AGBL4: variants seen among roughly 807,000 people sequenced by gnomAD.
AGBL4 encodes the protein cytosolic carboxypeptidase 6.
AGBL4 carries 58 observed loss-of-function variants against 66.4 expected under a neutral mutation model. The ratio of observed to expected loss-of-function variants is 0.87; its 90% CI spans 0.71 to 1.09. AGBL4 has a LOEUF of 1.09. AGBL4 is among the 50% of genes least tolerant of loss of function. The pLI, the probability that AGBL4 is intolerant of heterozygous loss-of-function variation, is 0.00. For missense variants in AGBL4, 579 were observed against 631.0 expected (o/e 0.92, Z 0.88); for synonymous variants, 234 against 222.9 (o/e 1.05, Z -0.44).
intron 6 of AGBL4, among the ~76,000 whole-genome samples, chr1:48,700,533 C>T (rs747246255): frequency 4.6e-5 from 7 of 152,198 alleles, no homozygotes; most frequent in Non-Finnish European, 1.0e-4. Context: ...ATGTCCCCTT[C>T]TGAGAAAGGC....
At chr1:49,145,681 G>C (rs960966758) in intron 4 of AGBL4, among the ~76,000 whole-genome samples, 1 of 152,018 alleles carries the variant, frequency 6.6e-6, no homozygotes, top group Non-Finnish European at 1.5e-5. Context: ...TAAGAACCTC[G>C]ACTTCACGTG....
At chr1:49,147,221 C>T (rs1646235209) in intron 4 of AGBL4, among the ~76,000 whole-genome samples, 1 of 152,100 alleles carries the variant, frequency 6.6e-6, no homozygotes, top group South Asian at 2.1e-4. Context: ...GACACAATTG[C>T]CTGAACTGTC....
intron 4 of AGBL4, among the ~76,000 whole-genome samples, chr1:49,136,730 T>G (rs1202159073): frequency 6.6e-6 from 1 of 152,196 alleles, no homozygotes; most frequent in African/African-American, 2.4e-5. Flanking sequence ...TTAATCATTT[T>G]GTTTTTAATG....
At chr1:49,628,997 G>C (rs1310805139) in intron 3 of AGBL4, among the ~76,000 whole-genome samples, 1 of 152,098 alleles carries the variant, frequency 6.6e-6, no homozygotes, top group East Asian at 1.9e-4. Flanking sequence ...GGATTCATCT[G>C]GTTTATTCAA....
intron 3 of AGBL4, among the ~76,000 whole-genome samples, chr1:49,314,379 T>A (rs1393817517): frequency 6.6e-6 from 1 of 151,858 alleles, no homozygotes; most frequent in East Asian, 1.9e-4. Context: ...CTATCACCCC[T>A]CCAGCCCCCA....
intron 1 of AGBL4, among the ~76,000 whole-genome samples, chr1:49,903,821 G>C (rs1246212771): frequency 6.6e-6 from 1 of 152,092 alleles, no homozygotes; most frequent in Non-Finnish European, 1.5e-5. Context: ...CAGAATGCCA[G>C]GCCAATGAAC....
In AGBL4 at chr1:49,194,598, G is replaced by GT. The variant is rs879796843; in HGVS notation, c.377+51171dup. On this transcript the variant is annotated intron_variant, in intron 4 of 13. Coordinates refer to ENST00000371839, the MANE Select transcript of AGBL4 (RefSeq NM_032785.4). Reference sequence around the variant, plus strand: ...ATTTTGTAGATTCTGTTTCTTGTTTGTTTTTTTTTCTAGACACAGAGTCTT... The same window carrying GT: ...ATTTTGTAGATTCTGTTTCTTGTTTGTTTTTTTTTTCTAGACACAGAGTCTT... Among the ~76,000 whole-genome samples the GT allele has an allele frequency of 2.9e-4, 44 of 150,496 alleles. 1 individual carries two copies. Among genetic ancestry groups the GT allele is most frequent in the Admixed American group, 2.7e-4 (4 of 15,092 alleles).
At chr1:49,381,643 A>T (rs1644612793) in intron 3 of AGBL4, among the ~76,000 whole-genome samples, 1 of 152,118 alleles carries the variant, frequency 6.6e-6, no homozygotes. Flanking sequence ...TGGCACATAT[A>T]CACCATGGAA....
At chr1:48,920,652 C>G (rs1557462400) in intron 5 of AGBL4, among the ~76,000 whole-genome samples, 2 of 152,184 alleles carry the variant, frequency 1.3e-5, no homozygotes, top group Non-Finnish European at 2.9e-5. Context: ...GAGTGCCTTG[C>G]TTAAGGTCGC....
At chr1:49,309,195 T>G (rs575132041) in intron 3 of AGBL4, among the ~76,000 whole-genome samples, 1 of 152,274 alleles carries the variant, frequency 6.6e-6, no homozygotes, top group Admixed American at 6.5e-5. Flanking sequence ...TTGCAAAAAT[T>G]AATTTCATTG....
chr1:49,922,769 T>A (rs998599073), intron 1 of AGBL4, among the ~76,000 whole-genome samples: 1 of 151,560 alleles, frequency 6.6e-6, no homozygotes, highest in African/African-American at 2.4e-5. Context: ...AGGTAAAAAA[T>A]CTCTACAAGG....
At chr1:49,411,630 G>A (rs1461457865) in intron 3 of AGBL4, among the ~76,000 whole-genome samples, 2 of 152,056 alleles carry the variant, frequency 1.3e-5, no homozygotes, top group African/African-American at 4.8e-5. Flanking sequence ...AGAAATATAT[G>A]GAATAAAAAT....
chr1:48,721,031 A>G (rs1430120261), intron 6 of AGBL4, among the ~76,000 whole-genome samples: 3 of 151,320 alleles, frequency 2.0e-5, no homozygotes, highest in Non-Finnish European at 2.9e-5. Context: ...CCCCAGACTG[A>G]GCAGGGCCAA....
chr1:49,380,768 G>T (rs960668141), intron 3 of AGBL4, among the ~76,000 whole-genome samples: 8 of 152,136 alleles, frequency 5.3e-5, no homozygotes, highest in Admixed American at 5.2e-4. Context: ...TTAATAAATG[G>T]TGCTGGGAAA....
intron 6 of AGBL4, among the ~76,000 whole-genome samples, chr1:48,780,520 T>G (rs1645267855): frequency 6.6e-6 from 1 of 152,050 alleles, no homozygotes; most frequent in Non-Finnish European, 1.5e-5. Flanking sequence ...CTACCTGACT[T>G]CAAACCATAC....
intron 4 of AGBL4, among the ~76,000 whole-genome samples, chr1:49,164,445 C>G (rs1268368730): frequency 1.3e-5 from 2 of 152,110 alleles, no homozygotes; most frequent in African/African-American, 4.8e-5. Flanking sequence ...TCTGATTTTA[C>G]AGAGCTTTTT....
intron 7 of AGBL4, among the ~76,000 whole-genome samples, chr1:48,660,826 G>A (rs1282711317): frequency 1.6e-5 from 2 of 121,542 alleles, no homozygotes; most frequent in African/African-American, 2.7e-5. Flanking sequence ...ATCAATTGTT[G>A]TGGGTGATCA....
chr1:49,238,266 T>C (rs1349438286), intron 4 of AGBL4, among the ~76,000 whole-genome samples: 1 of 152,210 alleles, frequency 6.6e-6, no homozygotes, highest in Non-Finnish European at 1.5e-5. Flanking sequence ...CATTTATTTT[T>C]AGTCTCACTC....
At chr1:49,451,671 C>A (rs992185115) in intron 3 of AGBL4, among the ~76,000 whole-genome samples, 7 of 151,946 alleles carry the variant, frequency 4.6e-5, no homozygotes, top group Non-Finnish European at 4.4e-5. Flanking sequence ...CATGTGTAAC[C>A]CTTTAGTACA....
Sources: gnomAD v4.1 joint callset for allele counts (sites outside exome capture counted in the v4.1 genomes callset) on GRCh38, gnomAD v4.1.1 for gene constraint, MANE v1.5 for transcripts, NCBI Gene and HGNC (gene_info 2026-07-23, HGNC 2026-07-21) for gene names.